AK5: variants seen among roughly 807,000 people sequenced by gnomAD.
The protein encoded by AK5 is adenylate kinase isoenzyme 5.
In AK5, 27 loss-of-function variants were observed where a neutral mutation model predicts 69.5. The observed-to-expected ratio is 0.39, with a 90% confidence interval of 0.29 to 0.54. AK5 has a LOEUF of 0.54. AK5 is among the 20% of genes least tolerant of loss of function. The pLI is 0.71. For missense variants in AK5, 531 were observed against 700.4 expected (o/e 0.76, Z 2.73); for synonymous variants, 260 against 244.4 (o/e 1.06, Z -0.60).
chr1:77,511,685 C>T (rs1350917899), intron 10 of AK5, among the ~76,000 whole-genome samples: 2 of 152,220 alleles, frequency 1.3e-5, no homozygotes, highest in Admixed American at 1.3e-4. Flanking sequence ...TTTGGACTCT[C>T]TCAAGGGAAC....
chr1:77,415,291 C>T (rs764771255), intron 7 of AK5, among the ~76,000 whole-genome samples: 5 of 152,198 alleles, frequency 3.3e-5, no homozygotes, highest in African/African-American at 1.2e-4. Context: ...TTCACATTGT[C>T]GTTTTTGAAA....
intron 6 of AK5, among the ~76,000 whole-genome samples, chr1:77,347,921 A>G (rs941461473): frequency 2.6e-5 from 4 of 152,060 alleles, no homozygotes; most frequent in African/African-American, 4.8e-5. Context: ...AGCAAACCAA[A>G]TGACTCAGCA....
In AK5 at chr1:77,454,203, A is replaced by G. The variant is rs542127233; in HGVS notation, c.1060-29114A>G. Among the ~76,000 whole-genome samples the G allele has an allele frequency of 2.0e-5, 3 of 152,342 alleles. No homozygotes were observed. The South Asian group carries it at 6.2e-4, about 32-fold the overall frequency. On this transcript the variant is annotated intron_variant, in intron 8 of 13. Transcript: ENST00000354567. ...CAAACCCAGGACTGTCAGCAAGGGA[A>G]TAGGGTTCAGGTCTTCTCCATTTAT... is the stretch of plus-strand genomic sequence containing the variant.
intron 8 of AK5, among the ~76,000 whole-genome samples, chr1:77,419,308 C>CT (rs1267346247): frequency 2.0e-5 from 3 of 152,054 alleles, no homozygotes; most frequent in Non-Finnish European, 2.9e-5. Context: ...AAAACAACCA[C>CT]TTACAATCTA....
At chr1:77,332,655 A>T (rs989812606) in intron 5 of AK5, among the ~76,000 whole-genome samples, 14 of 150,998 alleles carry the variant, frequency 9.3e-5, no homozygotes, top group Non-Finnish European at 4.4e-5. Flanking sequence ...TGCCGAGCTT[A>T]TTTCTACTAC....
intron 8 of AK5, among the ~76,000 whole-genome samples, chr1:77,449,808 A>G (rs1653023573): frequency 6.6e-6 from 1 of 152,110 alleles, no homozygotes; most frequent in African/African-American, 2.4e-5. Context: ...TGTCTTGGGG[A>G]TTAACATTCG....
intron 7 of AK5, among the ~76,000 whole-genome samples, chr1:77,412,945 C>T (rs1398066249): frequency 1.3e-5 from 2 of 152,146 alleles, no homozygotes; most frequent in Non-Finnish European, 2.9e-5. Flanking sequence ...TCACCAAACG[C>T]TTTGTCATTC....
intron 5 of AK5, among the ~76,000 whole-genome samples, chr1:77,304,162 C>G (rs1429940699): frequency 1.3e-5 from 2 of 152,150 alleles, no homozygotes; most frequent in Non-Finnish European, 2.9e-5. Context: ...ACATCCGCAA[C>G]CCCTTATTAC....
intron 6 of AK5, among the ~76,000 whole-genome samples, chr1:77,403,910 T>C (rs1409522486): frequency 6.6e-6 from 1 of 152,246 alleles, no homozygotes; most frequent in Non-Finnish European, 1.5e-5. Flanking sequence ...TTCATGATAT[T>C]GATTCTTCCT....
intron 5 of AK5, among the ~76,000 whole-genome samples, chr1:77,331,671 A>AT (rs1471744257): frequency 1.3e-5 from 2 of 151,510 alleles, no homozygotes; most frequent in African/African-American, 2.4e-5. Context: ...TCGGCCTAAA[A>AT]TTTTTTTTTC....
At chr1:77,297,134 T>C (rs565543582) in intron 3 of AK5, among the ~76,000 whole-genome samples, 1 of 152,330 alleles carries the variant, frequency 6.6e-6, no homozygotes, top group South Asian at 2.1e-4. Context: ...AATGGTTACG[T>C]TTCACCGAAT....
At chr1:77,444,258 GTATATATATAGTATA>G (rs1652542755) in intron 8 of AK5, among the ~76,000 whole-genome samples, 2 of 36,628 alleles carry the variant, frequency 5.5e-5, no homozygotes, top group African/African-American at 1.1e-4. Flanking sequence ...CAACATATGT[GTATATATATAGTATA>G]TATACACAAC....
At chr1:77,347,173 T>A (rs988959942) in intron 6 of AK5, among the ~76,000 whole-genome samples, 1 of 152,192 alleles carries the variant, frequency 6.6e-6, no homozygotes, top group Non-Finnish European at 1.5e-5. Context: ...AACAATGATA[T>A]CTATATTCAC....
intron 6 of AK5, among the ~76,000 whole-genome samples, chr1:77,358,287 G>C (rs1369517730): frequency 6.6e-6 from 1 of 151,998 alleles, no homozygotes; most frequent in Non-Finnish European, 1.5e-5. Flanking sequence ...TGTTTACAAG[G>C]CATCAATTGG....
At chr1:77,402,872 C>G (rs1156480491) in intron 6 of AK5, among the ~76,000 whole-genome samples, 3 of 152,210 alleles carry the variant, frequency 2.0e-5, no homozygotes, top group African/African-American at 4.8e-5. Context: ...AATCGCCACA[C>G]TGTCTTCCAC....
At chr1:77,540,913 CT>C (rs1227673548) in intron 13 of AK5, among the ~76,000 whole-genome samples, 14 of 148,132 alleles carry the variant, frequency 9.5e-5, no homozygotes, top group South Asian at 2.1e-4. Flanking sequence ...TTGTTTGTTT[CT>C]TTTTTTTTTA....
intron 8 of AK5, among the ~76,000 whole-genome samples, chr1:77,429,287 C>T (rs555366588): frequency 2.4e-3 from 366 of 152,250 alleles, no homozygotes; most frequent in South Asian, 0.014. Flanking sequence ...TTTTAATGAT[C>T]GCCATTCTAA....
intron 6 of AK5, among the ~76,000 whole-genome samples, chr1:77,396,559 G>A (rs1648842151): frequency 6.6e-6 from 1 of 152,132 alleles, no homozygotes; most frequent in South Asian, 2.1e-4. Context: ...TTAACACAAA[G>A]TTATAGACCT....
chr1:77,322,251 T>C (rs1445121930), intron 5 of AK5, among the ~76,000 whole-genome samples: 2 of 138,222 alleles, frequency 1.4e-5, no homozygotes, highest in Non-Finnish European at 3.2e-5. Flanking sequence ...ATTTAATCTG[T>C]TTGTAGTCCT....
Sources: allele counts gnomAD v4.1 joint callset (sites outside exome capture counted in the v4.1 genomes callset), GRCh38; gene constraint gnomAD v4.1.1; transcripts MANE v1.5; gene names NCBI Gene and HGNC (gene_info 2026-07-23, HGNC 2026-07-21).